MKLN1: variants seen among roughly 807,000 people sequenced by gnomAD.
MKLN1 encodes muskelin 1.
In MKLN1, 18 loss-of-function variants were observed where a neutral mutation model predicts 99.0. The ratio of observed to expected loss-of-function variants is 0.18; its 90% CI spans 0.13 to 0.27. The LOEUF is 0.27. Among genes scored for constraint, MKLN1 ranks in the 10% least tolerant of loss-of-function variants. MKLN1 has a pLI of 1.00. For missense variants in MKLN1, 621 were observed against 875.9 expected, an observed-to-expected ratio of 0.71 and a Z score of 3.67; for synonymous variants, 288 against 293.2, an observed-to-expected ratio of 0.98 and a Z score of 0.18.
At chr7:131,236,753 G>C (rs930503460) in intron 3 of MKLN1, among the ~76,000 whole-genome samples, 1 of 152,092 alleles carries the variant, frequency 6.6e-6, no homozygotes, top group Non-Finnish European at 1.5e-5. Flanking sequence ...GGGAGGCATA[G>C]GTGGGAGGAT....
At chr7:131,380,315 A>T (rs1221152031) in intron 2 of MKLN1, among the ~76,000 whole-genome samples, 1 of 152,190 alleles carries the variant, frequency 6.6e-6, no homozygotes, top group Non-Finnish European at 1.5e-5. Context: ...GGATTTACAG[A>T]TAATAGGAGT....
At chr7:131,180,420 C>G (rs889028644) in intron 2 of MKLN1, among the ~76,000 whole-genome samples, 3 of 152,064 alleles carry the variant, frequency 2.0e-5, no homozygotes, top group Non-Finnish European at 2.9e-5. Context: ...TGTTTAAGGC[C>G]GGGCGCAGTG....
rs113687354 is a variant in MKLN1, at chr7:131,413,828, C to G, written c.782-817C>G. On this transcript the variant is annotated intron_variant, in intron 7 of 17. Transcript: ENST00000352689. The stretch of plus-strand genomic sequence containing the variant: ...TGCTGGGATTACAGGTTTGAGCCAC[C>G]GCGCCCGGCCATAACTTTATTTATG... 3.1e-3 allele frequency among the ~76,000 whole-genome samples: 472 copies of G among 152,252 alleles called. 1 individual carries two copies. The highest frequency in any genetic ancestry group is 0.011 in the African/African-American group (450 of 41,536).
intron 3 of MKLN1, among the ~76,000 whole-genome samples, chr7:131,254,864 G>A (rs762616470): frequency 1.3e-5 from 2 of 151,448 alleles, no homozygotes; most frequent in South Asian, 2.1e-4. Flanking sequence ...AGAGAGAGAG[G>A]AGCGGAAAAA....
At position 131,442,776 on chromosome 7, in the gene MKLN1, C is replaced by T. The variant is rs548605782; in HGVS notation, c.1174-705C>T. ...AAACAGAATTTGATTCTTATTGTCT[C>T]GTGACAAATGGCTGTTTTCTCACAC... is the stretch of plus-strand genomic sequence containing the variant. On this transcript the variant is annotated intron_variant, in intron 10 of 17. Transcript: ENST00000352689. Among the ~76,000 whole-genome samples, 4 of 152,270 alleles carry T rather than the reference C, an allele frequency of 2.6e-5. No homozygotes were observed. In the Middle Eastern group the frequency reaches 0.014, roughly 518 times the overall value.
intron 1 of MKLN1, among the ~76,000 whole-genome samples, chr7:131,141,960 A>G (rs943910907): frequency 6.6e-6 from 1 of 152,214 alleles, no homozygotes; most frequent in Non-Finnish European, 1.5e-5. Context: ...TGTGAATGTC[A>G]AAGGTATCAT....
intron 2 of MKLN1, among the ~76,000 whole-genome samples, chr7:131,166,837 C>G (rs771093852): frequency 9.9e-5 from 15 of 152,256 alleles, no homozygotes; most frequent in Admixed American, 2.0e-4. Context: ...AGGTGCCCAC[C>G]ACCATGCTGG....
chr7:131,155,718 C>A (rs1452554433), intron 2 of MKLN1, among the ~76,000 whole-genome samples: 2 of 152,078 alleles, frequency 1.3e-5, no homozygotes, highest in Non-Finnish European at 2.9e-5. Flanking sequence ...TGGCCTAACC[C>A]CTTCATTTTA....
intron 3 of MKLN1, among the ~76,000 whole-genome samples, chr7:131,206,177 G>A (rs1341430005): frequency 6.6e-6 from 1 of 152,164 alleles, no homozygotes; most frequent in East Asian, 1.9e-4. Flanking sequence ...ACAGGCCTGA[G>A]CCACCACTCA....
chr7:131,128,387 T>A (rs1195634207), intron 1 of MKLN1, among the ~76,000 whole-genome samples: 3 of 152,062 alleles, frequency 2.0e-5, no homozygotes, highest in African/African-American at 7.2e-5. Flanking sequence ...AAGGCCTTCA[T>A]GAGCAAAAAA....
chr7:131,138,283 T>A (rs1232778903), intron 1 of MKLN1, among the ~76,000 whole-genome samples: 1 of 152,244 alleles, frequency 6.6e-6, no homozygotes, highest in East Asian at 1.9e-4. Context: ...AAATATTTTT[T>A]CTTTTAAAAT....
chr7:131,332,249 A>G (rs1799097790), intron 1 of MKLN1, among the ~76,000 whole-genome samples: 1 of 151,342 alleles, frequency 6.6e-6, no homozygotes, highest in Non-Finnish European at 1.5e-5. Context: ...CAGCCTGGGA[A>G]ACATACCCCA....
intron 3 of MKLN1, among the ~76,000 whole-genome samples, chr7:131,226,727 A>G (rs1312264371): frequency 6.6e-6 from 1 of 152,188 alleles, no homozygotes; most frequent in East Asian, 1.9e-4. Flanking sequence ...GTACAGAAGG[A>G]AAAGGGCAGG....
chr7:131,116,329 G>T (rs1201532376), intron 1 of MKLN1, among the ~76,000 whole-genome samples: 1 of 152,014 alleles, frequency 6.6e-6, no homozygotes, highest in Non-Finnish European at 1.5e-5. Context: ...TAAGATTTTG[G>T]AAGTGGAAGA....
At chr7:131,271,227 A>G (rs1797879028) in intron 3 of MKLN1, among the ~76,000 whole-genome samples, 1 of 152,172 alleles carries the variant, frequency 6.6e-6, no homozygotes, top group South Asian at 2.1e-4. Context: ...AAGGCTTCAC[A>G]CAGGAGGTAG....
intron 12 of MKLN1, among the ~76,000 whole-genome samples, chr7:131,448,393 T>C (rs1373289191): frequency 6.6e-6 from 1 of 152,238 alleles, no homozygotes; most frequent in South Asian, 2.1e-4. Context: ...ATCATGGTTA[T>C]GGCTAGCTTT....
intron 3 of MKLN1, among the ~76,000 whole-genome samples, chr7:131,295,098 G>A (rs933299933): frequency 1.4e-4 from 22 of 152,088 alleles, no homozygotes; most frequent in African/African-American, 4.6e-4. Flanking sequence ...CATTAAAATG[G>A]CAACTGCAAA....
At position 131,241,305 on chromosome 7, in the gene MKLN1, G is replaced by C. The variant is rs148167166; in HGVS notation, c.-179+38331G>C. Among the ~76,000 whole-genome samples the C allele has an allele frequency of 7.5e-4, 113 of 151,662 alleles. 2 individuals are homozygous for C. In the East Asian group the frequency reaches 0.022, roughly 29 times the overall value. ...AGGCATGAGAATTGCTTGAACCTGG[G>C]AGGCAGAGATTGCAGTGAGCCGAGA... On this transcript the variant is annotated intron_variant, in intron 3 of 7. Coordinates refer to the MKLN1 transcript ENST00000416992.
intron 12 of MKLN1, among the ~76,000 whole-genome samples, chr7:131,447,028 G>GA (rs1796037088): frequency 6.6e-6 from 1 of 151,554 alleles, no homozygotes; most frequent in Non-Finnish European, 1.5e-5. Flanking sequence ...GACACAACAG[G>GA]AAAAGCGAAA....
Sources: gnomAD v4.1 joint callset for allele counts (sites outside exome capture counted in the v4.1 genomes callset) on GRCh38, gnomAD v4.1.1 for gene constraint, MANE v1.5 for transcripts, NCBI Gene and HGNC (gene_info 2026-07-23, HGNC 2026-07-21) for gene names.